The following DAB1 variants were observed in gnomAD, a reference collection of about 807,000 sequenced individuals.
DAB1 encodes DAB adaptor protein 1, also known as disabled homolog 1.
A neutral mutation model predicts 64.6 loss-of-function variants in DAB1; 15 were observed. The ratio of observed to expected loss-of-function variants is 0.23; its 90% confidence interval spans 0.16 to 0.36. The LOEUF is 0.36. DAB1 is among the 10% of genes least tolerant of loss of function. The pLI, the probability that DAB1 is intolerant of heterozygous loss-of-function variation, is 1.00. For synonymous variants in DAB1, 235 were observed against 251.9 expected, an observed-to-expected ratio of 0.93 and a Z score of 0.64; for missense variants, 596 against 706.7, an observed-to-expected ratio of 0.84 and a Z score of 1.78.
intron 5 of DAB1, among the ~76,000 whole-genome samples, chr1:58,043,178 A>T (rs1358959378): frequency 6.6e-6 from 1 of 152,212 alleles, no homozygotes; most frequent in African/African-American, 2.4e-5. Context: ...AAGACAGATA[A>T]GAGACCAAAA....
rs557684114 is a variant in DAB1, at chr1:57,160,101, A to G, written c.68-14672T>C. Among the ~76,000 whole-genome samples, 5 of 152,294 alleles carry G rather than the reference A, an allele frequency of 3.3e-5. No homozygotes were observed. In the South Asian group the frequency reaches 1.0e-3, roughly 32 times the overall value. On this transcript the variant is annotated intron_variant, in intron 2 of 14. Coordinates refer to ENST00000371236, the MANE Select transcript of DAB1 (RefSeq NM_001365792.1). Reference sequence around the variant, plus strand: ...CAGCATTTGCTTCTTAGATTTTCTCATCAGTGGGCTTGTGTCTTTTTCCTG... The same window carrying G: ...CAGCATTTGCTTCTTAGATTTTCTCGTCAGTGGGCTTGTGTCTTTTTCCTG...
At chr1:58,377,491 A>C (rs1302344586) in intron 3 of DAB1, among the ~76,000 whole-genome samples, 2 of 136,982 alleles carry the variant, frequency 1.5e-5, no homozygotes, top group Admixed American at 1.5e-4. Flanking sequence ...TTTCTTTAAG[A>C]ATGTTGAATA....
At chr1:57,227,207 C>T (rs1247220703) in intron 2 of DAB1, among the ~76,000 whole-genome samples, 4 of 152,032 alleles carry the variant, frequency 2.6e-5, no homozygotes, top group African/African-American at 7.2e-5. Context: ...TATCCTAAGC[C>T]TTAGTGGAAT....
chr1:57,171,574 A>T (rs569036222), intron 2 of DAB1, among the ~76,000 whole-genome samples: 187 of 152,326 alleles, frequency 1.2e-3, no homozygotes, highest in Non-Finnish European at 2.3e-3. Context: ...GGTTGGCCTC[A>T]TGAGGCAGTT....
chr1:58,255,367 C>T (rs553046807), intron 4 of DAB1, among the ~76,000 whole-genome samples: 3 of 152,020 alleles, frequency 2.0e-5, no homozygotes, highest in Admixed American at 1.3e-4. Flanking sequence ...CAGAGTGAAG[C>T]CAGTTCTTTT....
chr1:58,533,611 C>A (rs1646470603), intron 1 of DAB1, among the ~76,000 whole-genome samples: 1 of 152,056 alleles, frequency 6.6e-6, no homozygotes, highest in African/African-American at 2.4e-5. Flanking sequence ...CACTTCCCTA[C>A]AATTAATTTT....
At chr1:57,875,644 T>C (rs1644032488) in intron 1 of DAB1, among the ~76,000 whole-genome samples, 1 of 152,210 alleles carries the variant, frequency 6.6e-6, no homozygotes, top group Admixed American at 6.5e-5. Context: ...GCATAGTTTT[T>C]AGAATTAAGC....
chr1:57,178,240 T>A (rs1662540681), intron 2 of DAB1, among the ~76,000 whole-genome samples: 1 of 151,668 alleles, frequency 6.6e-6, no homozygotes, highest in African/African-American at 2.4e-5. Context: ...TATACATACT[T>A]CCTCTGACCC....
intron 6 of DAB1, among the ~76,000 whole-genome samples, chr1:57,802,755 T>C (rs1022296071): frequency 4.6e-5 from 7 of 152,172 alleles, no homozygotes; most frequent in Admixed American, 3.9e-4. Flanking sequence ...CCGCCATGAC[T>C]GAAAGTTTCC....
At chr1:58,277,821 T>C (rs1661485710) in intron 4 of DAB1, among the ~76,000 whole-genome samples, 1 of 152,232 alleles carries the variant, frequency 6.6e-6, no homozygotes, top group Non-Finnish European at 1.5e-5. Flanking sequence ...TTCTGTCCTG[T>C]GAGCCGCCAG....
chr1:58,497,985 C>T (rs1209493212), intron 3 of DAB1, among the ~76,000 whole-genome samples: 2 of 152,086 alleles, frequency 1.3e-5, no homozygotes, highest in Non-Finnish European at 2.9e-5. Flanking sequence ...TCTTTTAATA[C>T]AGGGGTTCAT....
intron 7 of DAB1, among the ~76,000 whole-genome samples, chr1:57,603,200 C>T (rs1040641116): frequency 1.3e-5 from 2 of 152,130 alleles, no homozygotes; most frequent in South Asian, 2.1e-4. Flanking sequence ...CGCGAACTCC[C>T]GACCTTAGGT....
chr1:57,687,615 A>AAAAAG (rs1558611605), intron 6 of DAB1, among the ~76,000 whole-genome samples: 1 of 149,182 alleles, frequency 6.7e-6, no homozygotes, highest in Non-Finnish European at 1.5e-5. Context: ...AAAAAAAAAA[A>AAAAAG]AAAAGAAAAA....
At chr1:58,539,443 T>C in intron 1 of DAB1, 1 of 601,300 alleles carries the variant, frequency 1.7e-6, no homozygotes, top group Admixed American at 3.2e-5. Flanking sequence ...GGGTTTCAAC[T>C]CATCACCCCT....
At chr1:57,487,819 T>A (rs970139463) in intron 7 of DAB1, among the ~76,000 whole-genome samples, 2 of 152,212 alleles carry the variant, frequency 1.3e-5, no homozygotes, top group African/African-American at 4.8e-5. Flanking sequence ...ATGGGACGCA[T>A]GACTGTATAG....
intron 5 of DAB1, among the ~76,000 whole-genome samples, chr1:58,137,450 C>T (rs988968775): frequency 1.3e-5 from 2 of 152,118 alleles, no homozygotes; most frequent in Non-Finnish European, 2.9e-5. Flanking sequence ...ATCCATTCAT[C>T]TATCCATCTA....
chr1:57,818,957 G>T (rs1402927353), intron 6 of DAB1, among the ~76,000 whole-genome samples: 2 of 152,012 alleles, frequency 1.3e-5, no homozygotes, highest in East Asian at 3.8e-4. Flanking sequence ...TTAATTTTAT[G>T]AACTAACAGA....
At chr1:57,600,884 A>G (rs71642132) in intron 7 of DAB1, among the ~76,000 whole-genome samples, 1 of 152,126 alleles carries the variant, frequency 6.6e-6, no homozygotes, top group Non-Finnish European at 1.5e-5. Flanking sequence ...GAACAGGGGG[A>G]AAAAAGTTCA....
At chr1:58,163,564 A>G (rs146985105) in intron 4 of DAB1, among the ~76,000 whole-genome samples, 44 of 152,292 alleles carry the variant, frequency 2.9e-4, no homozygotes, top group Non-Finnish European at 4.0e-4. Flanking sequence ...GGGTCAGAAC[A>G]GGGGGAATCT....
Sources: gnomAD v4.1 joint callset for allele counts (sites outside exome capture counted in the v4.1 genomes callset) on GRCh38, gnomAD v4.1.1 for gene constraint, MANE v1.5 for transcripts, NCBI Gene and HGNC (gene_info 2026-07-23, HGNC 2026-07-21) for gene names.